MAP3K13: variants seen among roughly 807,000 people sequenced by gnomAD.
The protein encoded by MAP3K13 is leucine zipper-bearing kinase.
A neutral mutation model predicts 104.0 loss-of-function variants in MAP3K13; 52 were observed. The ratio of observed to expected loss-of-function variants is 0.50; its 90% confidence interval spans 0.40 to 0.63. The LOEUF is 0.63. Among genes scored for constraint, MAP3K13 ranks in the 20% least tolerant of loss-of-function variants. The pLI, the probability that MAP3K13 is intolerant of heterozygous loss-of-function variation, is 0.00. For missense variants in MAP3K13, 914 were observed against 1,218.5 expected, an observed-to-expected ratio of 0.75 and a Z score of 3.72; for synonymous variants, 394 against 442.2, an observed-to-expected ratio of 0.89 and a Z score of 1.37.
chr3:185,473,756 C>A lies in MAP3K13; in HGVS notation c.2425C>A (p.Gln809Lys). 6.2e-7 allele frequency: 1 copy of A among 1,612,036 alleles called. No individual in the cohort carries two copies. The highest frequency in any genetic ancestry group is 8.5e-7 in the Non-Finnish European group (1 of 1,179,318). The change falls in exon 11 of 14, where the codon CAG becomes AAG. Residue 809 changes from glutamine (Q) to lysine (K), a missense_variant. By Grantham distance (53) the Gln-to-Lys change is moderately conservative. Coordinates refer to ENST00000265026, the MANE Select transcript of MAP3K13 (RefSeq NM_004721.5). The surrounding 1 kb of genome is among the most constrained non-coding windows in gnomAD (Gnocchi z 4.9). ...GCTACCTCGAAAAACAAGGCCTCTG[C>A]AGAAGGTAAAGTGTAATGATGAGAG... ...PALPRKTRPL[Q>K]KSGDDSSEEE...
intron 1 of MAP3K13, among the ~76,000 whole-genome samples, chr3:185,421,164 CT>C (rs563297690): frequency 2.0e-5 from 3 of 151,634 alleles, no homozygotes; most frequent in African/African-American, 4.8e-5. Context: ...CTTTTCTTTT[CT>C]TTTTTTGTTT....
intron 1 of MAP3K13, among the ~76,000 whole-genome samples, chr3:185,416,999 C>T (rs1713819885): frequency 6.6e-6 from 1 of 150,942 alleles, no homozygotes; most frequent in South Asian, 2.1e-4. Flanking sequence ...ATTTTTAAAC[C>T]ATTTCAATTC....
At chr3:185,327,995 A>T (rs1188778156) in intron 2 of MAP3K13, among the ~76,000 whole-genome samples, 3 of 143,978 alleles carry the variant, frequency 2.1e-5, no homozygotes, top group South Asian at 5.0e-4. Context: ...AGGGGGAAGG[A>T]GGGAGGGAAG....
At position 185,304,813 on chromosome 3, in the gene MAP3K13, TAGTAG is replaced by T. The variant is rs930258875; in HGVS notation, c.-86+19173_-86+19177del. The stretch of plus-strand genomic sequence containing the variant: ...CATGCCCAGCTAATTTTTGTATTTT[TAGTAG>T]AGATGGGGTTTCACAATGTTGGCCA... On this transcript the variant is annotated intron_variant, in intron 2 of 14. Transcript: ENST00000424227. Among the ~76,000 whole-genome samples, 103 of 152,296 alleles carry T rather than the reference TAGTAG, an allele frequency of 6.8e-4. No homozygotes were observed. The Middle Eastern group carries it at 0.01, about 15-fold the overall frequency.
chr3:185,346,944 T>C (rs1722946805), intron 2 of MAP3K13, among the ~76,000 whole-genome samples: 1 of 152,030 alleles, frequency 6.6e-6, no homozygotes, highest in Non-Finnish European at 1.5e-5. Flanking sequence ...TAAAAGTGCA[T>C]TTTGCACTAC....
rs1718637878 is a variant in MAP3K13 at position 185,484,665 on chromosome 3, A to G, written c.*2209A>G. ...TGATTTATAGCTCTTAGGATGAAGGAAAATGTTTAATTTATACAAAGAGCA... is the reference window on the plus strand; with the variant it reads ...TGATTTATAGCTCTTAGGATGAAGGGAAATGTTTAATTTATACAAAGAGCA... On this transcript the variant is annotated 3_prime_UTR_variant, in exon 14 of 14. Coordinates refer to ENST00000265026, the MANE Select transcript of MAP3K13 (RefSeq NM_004721.5). 6.6e-6 allele frequency: 1 copy of G among 152,212 alleles called. No homozygotes were observed. Among genetic ancestry groups the G allele is most frequent in the African/African-American group, 2.4e-5 (1 of 41,452 alleles). 9.4% of individuals were successfully genotyped at this position (152,212 alleles called of 1,614,324 possible). A position where few individuals can be genotyped will look rare whatever the true frequency, so the allele number is the denominator to read the frequency against.
In MAP3K13 at chr3:185,485,095, G is replaced by A. The variant is rs370465397; in HGVS notation, c.*2639G>A. ...ACCCCCAGGATGTCAAATAGTGGAT[G>A]GACATATAGTTAAAAAGCTGTAAAC... is the stretch of plus-strand genomic sequence containing the variant. On this transcript the variant is annotated 3_prime_UTR_variant, in exon 14 of 14. Coordinates refer to ENST00000265026, the MANE Select transcript of MAP3K13 (RefSeq NM_004721.5). 2.6e-5 allele frequency: 4 copies of A among 152,122 alleles called. No homozygotes were observed. Among genetic ancestry groups the A allele is most frequent in the African/African-American group, 7.2e-5 (3 of 41,422 alleles). The allele number at this position is 152,122 out of a possible 1,614,324, so 9.4% of individuals were successfully genotyped here.
At chr3:185,359,568 A>C (rs1326710705), upstream of MAP3K13, among the ~76,000 whole-genome samples, 1 of 152,220 alleles carries the variant, frequency 6.6e-6, no homozygotes, top group Non-Finnish European at 1.5e-5. Context: ...TTTACTGAGT[A>C]ACTTCTGTAT....
intron 2 of MAP3K13, among the ~76,000 whole-genome samples, chr3:185,330,044 T>A (rs1426849142): frequency 3.4e-5 from 4 of 117,178 alleles, no homozygotes; most frequent in Non-Finnish European, 6.8e-5. Flanking sequence ...CATGCCTGGC[T>A]AATTTTTTTT....
chr3:185,414,267 T>A (rs1244613743), intron 1 of MAP3K13, among the ~76,000 whole-genome samples: 1 of 152,234 alleles, frequency 6.6e-6, no homozygotes. Context: ...TCTCAATAAA[T>A]GTTGTTAATA....
intron 1 of MAP3K13, among the ~76,000 whole-genome samples, chr3:185,368,437 G>A (rs1723994302): frequency 6.6e-6 from 1 of 152,198 alleles, no homozygotes; most frequent in African/African-American, 2.4e-5. Flanking sequence ...TCTGGAATGG[G>A]CAAAGAAAGA....
rs1424274383 is a variant in MAP3K13, at chr3:185,455,696, T to TATATGAG, written c.1278+4305_1278+4306insGAGATAT. Reference sequence around the variant, plus strand: ...ATATATATGAGATATATATATGATATATATATGAGATATATATGAGATATA... The same window carrying TATATGAG: ...ATATATATGAGATATATATATGATATATATGAGATATATGAGATATATATGAGATATA... On this transcript the variant is annotated intron_variant, in intron 7 of 13. Transcript: ENST00000265026. 4.6e-3 allele frequency among the ~76,000 whole-genome samples: 88 copies of TATATGAG among 18,976 alleles called. 17 individuals are homozygous for TATATGAG. Among genetic ancestry groups the TATATGAG allele is most frequent in the Middle Eastern group, 0.05 (1 of 20 alleles). The allele number at this position is 18,976 out of a possible 152,430, so 12.4% of individuals were successfully genotyped here. A position where few individuals can be genotyped will look rare whatever the true frequency, so the allele number is the denominator to read the frequency against.
intron 1 of MAP3K13, among the ~76,000 whole-genome samples, chr3:185,425,479 G>A (rs1189461361): frequency 1.3e-5 from 2 of 151,890 alleles, no homozygotes; most frequent in East Asian, 3.8e-4. Flanking sequence ...CACTGCCATT[G>A]CTAACTGACT....
chr3:185,473,461 T>C lies in MAP3K13; in HGVS notation c.2130T>C (p.Ser710=), dbSNP rs1717928058. ...STAMAADCWR[S]SEPDKGQAGP... is the part of the protein sequence containing the mutation. ...CCATGGCTGCAGACTGCTGGAGAAG[T>C]TCTGAGCCTGACAAGGGCCAAGCTG... Residue 710 remains serine (S), a synonymous_variant, in exon 11 of 14, where the codon AGT becomes AGC. Coordinates refer to ENST00000265026, the MANE Select transcript of MAP3K13 (RefSeq NM_004721.5). The surrounding 1 kb of genome is among the most constrained non-coding windows in gnomAD (Gnocchi z 4.9). 3 of 1,613,876 alleles carry C rather than the reference T, an allele frequency of 1.9e-6. No individual in the cohort carries two copies. Among genetic ancestry groups the C allele is most frequent in the African/African-American group, 1.3e-5 (1 of 74,862 alleles).
chr3:185,385,749 T>A (rs1711649430), intron 1 of MAP3K13, among the ~76,000 whole-genome samples: 1 of 149,916 alleles, frequency 6.7e-6, no homozygotes. Context: ...ACGCCTATAG[T>A]CCCAGCACTT....
chr3:185,482,280 T>C lies in MAP3K13; in HGVS notation c.2800-75T>C, dbSNP rs980808391. The C allele has an allele frequency of 3.8e-6, 4 of 1,042,182 alleles. No homozygotes were observed. In the African/African-American group the frequency reaches 6.2e-5, roughly 16 times the overall value. The allele number at this position is 1,042,182 out of a possible 1,614,324, so 64.6% of individuals were successfully genotyped here. On this transcript the variant is annotated intron_variant, in intron 13 of 13. Transcript: ENST00000265026. The surrounding 1 kb of genome is among the most constrained non-coding windows in gnomAD (Gnocchi z 4.5). ...GCCCCCTTACCAAGCACAGTGCCTG[T>C]TGTGTGGGAGGTGTTTGACATATAT...
At position 185,414,003 on chromosome 3, in the gene MAP3K13, T is replaced by C. The variant is rs115429198; in HGVS notation, c.-85-14494T>C. 3.7e-3 allele frequency among the ~76,000 whole-genome samples: 558 copies of C among 152,280 alleles called. 6 individuals are homozygous for C. Among genetic ancestry groups the C allele is most frequent in the African/African-American group, 0.012 (504 of 41,548 alleles). Reference sequence around the variant, plus strand: ...TTCCATATTTTTCTGACCTAGACCTTTTTTAGTTAAACAGAAGCCCATTAT... The same window carrying C: ...TTCCATATTTTTCTGACCTAGACCTCTTTTAGTTAAACAGAAGCCCATTAT... On this transcript the variant is annotated intron_variant, in intron 1 of 13. Coordinates refer to ENST00000265026, the MANE Select transcript of MAP3K13 (RefSeq NM_004721.5).
At chr3:185,454,744 T>TCATATATATGAGATATATATGA (rs1553808222) in intron 7 of MAP3K13, among the ~76,000 whole-genome samples, 1 of 14,044 alleles carries the variant, frequency 7.1e-5, no homozygotes, top group East Asian at 1.7e-3. Flanking sequence ...GATATATATA[T>TCATATATATGAGATATATATGA]CATATATATG....
intron 7 of MAP3K13, among the ~76,000 whole-genome samples, chr3:185,455,025 TGA>T (rs1716354521): frequency 8.6e-6 from 1 of 116,370 alleles, no homozygotes; most frequent in South Asian, 2.7e-4. Flanking sequence ...ATGATATATA[TGA>T]GATATATATG....
Sources: allele counts gnomAD v4.1 joint callset (sites outside exome capture counted in the v4.1 genomes callset), GRCh38; gene constraint gnomAD v4.1.1; non-coding constraint Gnocchi (gnomAD v3.1); transcripts MANE v1.5; gene names NCBI Gene and HGNC (gene_info 2026-07-23, HGNC 2026-07-21).